The following SLC49A3 variants were observed in gnomAD, a reference collection of about 807,000 sequenced individuals.
SLC49A3 encodes solute carrier family 49 member A3.
SLC49A3 carries 50 observed loss-of-function variants against 43.8 expected under a neutral mutation model. The ratio of observed to expected loss-of-function variants is 1.14; its 90% CI spans 0.91 to 1.45. The LOEUF (loss-of-function observed/expected upper bound fraction) is 1.45. Ranked by LOEUF, SLC49A3 falls within the 40% of genes most tolerant of loss-of-function variation. SLC49A3 has a pLI of 0.00. For synonymous variants in SLC49A3, 413 were observed against 352.0 expected, an observed-to-expected ratio of 1.17 and a Z score of -1.94; for missense variants, 906 against 774.1, an observed-to-expected ratio of 1.17 and a Z score of -2.02.
Position 683,329 on chromosome 4 carries a change from G to A in SLC49A3, c.1032C>T (p.Ala344=). 6.2e-7 allele frequency: 1 copy of A among 1,612,356 alleles called. No individual in the cohort carries two copies. Among genetic ancestry groups the A allele is most frequent in the Non-Finnish European group, 8.5e-7 (1 of 1,179,654 alleles). Residue 344 remains alanine, a synonymous_variant, in exon 8 of 10, where the codon GCC becomes GCT. Coordinates refer to ENST00000322224, the MANE Select transcript of SLC49A3 (RefSeq NM_032219.4). The part of the protein sequence containing the change: ...QLQGQTLALA[A]TCSLLGLFGF... Reference sequence around the variant, plus strand: ...CAAACAGCCCGAGCAGCGAGCAGGTGGCAGCCAGGGCAAGGGTCTGTCCCT... The same window carrying A: ...CAAACAGCCCGAGCAGCGAGCAGGTAGCAGCCAGGGCAAGGGTCTGTCCCT...
intron 1 of SLC49A3, among the ~76,000 whole-genome samples, chr4:688,449 G>T (rs1321424047): frequency 6.6e-6 from 1 of 152,188 alleles, no homozygotes; most frequent in Non-Finnish European, 1.5e-5. Flanking sequence ...TTGCACGTTG[G>T]CCAGATACTG....
intron 8 of SLC49A3, 48 bp downstream of exon 8, chr4:683,162 G>T (rs1264364457): frequency 1.2e-6 from 2 of 1,609,806 alleles, no homozygotes; most frequent in African/African-American, 2.7e-5. Flanking sequence ...TAGGGGTGGA[G>T]CAAGGGGAGT....
chr4:679,170 C>CG (rs1365566147), downstream of SLC49A3: 1 of 869,416 alleles, frequency 1.2e-6, no homozygotes, highest in Non-Finnish European at 1.9e-6. Flanking sequence ...CCTGAAGCTG[C>CG]AAGGTGATGG....
chr4:689,916 C>A (rs375140476), upstream of SLC49A3, among the ~76,000 whole-genome samples: 1 of 152,228 alleles, frequency 6.6e-6, no homozygotes, highest in Non-Finnish European at 1.5e-5. Flanking sequence ...CCTGGGGGAA[C>A]CCAAGAGGCT....
rs766050212 is a variant in SLC49A3 at position 681,989 on chromosome 4, G to A, written c.1649C>T (p.Ser550Phe). The change falls in exon 10 of 10, where the codon TCC (serine) becomes TTC (phenylalanine). Residue 550 changes from serine to phenylalanine, a missense_variant. Physicochemically the swap from Ser to Phe is radical, Grantham distance 155. Coordinates refer to ENST00000322224, the MANE Select transcript of SLC49A3 (RefSeq NM_032219.4). ...SRFIDPAGSHSSFSSPWVIT is the reference protein window; with the variant it reads ...SRFIDPAGSHFSFSSPWVIT ...GATCACCCACGGGGAGGAGAAGGAG[G>A]AGTGAGACCCAGCCGGGTCAATAAA... 25 of 1,412,324 alleles carry A rather than the reference G, an allele frequency of 1.8e-5. No homozygotes were observed. Among genetic ancestry groups the A allele is most frequent in the Non-Finnish European group, 2.2e-5 (23 of 1,069,558 alleles). The allele number at this position is 1,412,324 out of a possible 1,614,324, so 87.5% of individuals were successfully genotyped here. A position where few individuals can be genotyped will look rare whatever the true frequency, so the allele number is the denominator to read the frequency against.
rs1230032213 is a variant in SLC49A3 at position 685,596 on chromosome 4, C to G, written c.585+239G>C. On this transcript the variant is annotated intron_variant, in intron 4 of 9. Coordinates refer to ENST00000322224, the MANE Select transcript of SLC49A3 (RefSeq NM_032219.4). The surrounding 1 kb of genome is among the most constrained non-coding windows in gnomAD (Gnocchi z 4.3). ...TGGCGCACGCCTGTAGTCCCAGCTA[C>G]TCGGGAAGATGAGGCAGGGGAATTG... is the stretch of plus-strand genomic sequence containing the variant. Among the ~76,000 whole-genome samples the G allele has an allele frequency of 1.3e-5, 2 of 152,052 alleles. No individual in the cohort carries two copies. Among genetic ancestry groups the G allele is most frequent in the Non-Finnish European group, 2.9e-5 (2 of 68,032 alleles).
intron 7 of SLC49A3, 86 bp downstream of exon 7, chr4:683,523 G>A: frequency 6.6e-7 from 1 of 1,515,496 alleles, no homozygotes; most frequent in Non-Finnish European, 8.8e-7. Flanking sequence ...CCAGACCTCT[G>A]TTCCAGCCAA....
chr4:681,088 T>G (rs1200624675), downstream of SLC49A3: 2 of 1,600,192 alleles, frequency 1.2e-6, no homozygotes, highest in East Asian at 2.2e-5. Flanking sequence ...TTCCTCGTCC[T>G]CAGCATCAAG....
upstream of SLC49A3, among the ~76,000 whole-genome samples, chr4:690,698 C>G (rs1412242434): frequency 6.6e-6 from 1 of 152,048 alleles, no homozygotes. Flanking sequence ...CGTGCATTGT[C>G]GAGGGGTGTC....
chr4:681,508 C>T (rs1483695369), downstream of SLC49A3, among the ~76,000 whole-genome samples: 1 of 149,978 alleles, frequency 6.7e-6, no homozygotes, highest in Non-Finnish European at 1.5e-5. Flanking sequence ...TCAGGACCCC[C>T]GCACCTCCCC....
At chr4:680,077 G>A (rs963769583), downstream of SLC49A3, 19 of 1,386,380 alleles carry the variant, frequency 1.4e-5, no homozygotes, top group Admixed American at 1.0e-4. Flanking sequence ...TTAGAGATCC[G>A]GACATTTCAC....
downstream of SLC49A3, chr4:676,848 C>T (rs1045759084): frequency 2.0e-6 from 2 of 984,560 alleles, no homozygotes; most frequent in South Asian, 9.4e-5. Flanking sequence ...CAGGTCCCTC[C>T]TGGGCAGGTC....
chr4:686,707 G>GGAGTCA lies in SLC49A3; in HGVS notation c.136-23_136-18dup, dbSNP rs749570706. On this transcript the variant is annotated splice_polypyrimidine_tract_variant and intron_variant, in intron 1 of 9. Coordinates refer to ENST00000322224, the MANE Select transcript of SLC49A3 (RefSeq NM_032219.4). ...GAGCCACAGCTGCAGGGGTCAGGCGGGAGTCAGCGCAGGGCCACAGACCCC... is the reference window on the plus strand; with the variant it reads ...GAGCCACAGCTGCAGGGGTCAGGCGGGAGTCAGAGTCAGCGCAGGGCCACAGACCCC... The GGAGTCA allele has an allele frequency of 1.9e-6, 3 of 1,609,366 alleles. No homozygotes were observed. In the East Asian group the frequency reaches 6.7e-5, roughly 36 times the overall value.
At chr4:686,508 GCCA>G in intron 2 of SLC49A3, 21 bp downstream of exon 2, 1 of 1,608,814 alleles carries the variant, frequency 6.2e-7, no homozygotes, top group African/African-American at 1.3e-5. Flanking sequence ...CCCGGAGCGG[GCCA>G]TGGTGTGGGG....
At position 685,685 on chromosome 4, in the gene SLC49A3, G is replaced by T; in HGVS notation, c.585+150C>A. 1.3e-6 allele frequency: 1 copy of T among 784,066 alleles called. No individual in the cohort carries two copies. Among genetic ancestry groups the T allele is most frequent in the Non-Finnish European group, 2.1e-6 (1 of 479,904 alleles). 48.6% of individuals were successfully genotyped at this position (784,066 alleles called of 1,614,324 possible). On this transcript the variant is annotated intron_variant, in intron 4 of 9. Coordinates refer to ENST00000322224, the MANE Select transcript of SLC49A3 (RefSeq NM_032219.4). This position sits in a 1 kb window ranked among gnomAD's most constrained non-coding sequence, Gnocchi z 4.3. ...CGCGCCACTGCAATTCAGCCTGAGC[G>T]ACAGGCTGAGACTCCTTCTCGGGTG...
At chr4:679,080 A>G, downstream of SLC49A3, 2 of 1,477,072 alleles carry the variant, frequency 1.4e-6, no homozygotes, top group Non-Finnish European at 1.8e-6. Flanking sequence ...GGAGGCGAAC[A>G]CAGAGGTCCT....
In SLC49A3 at chr4:684,584, C is replaced by A. The variant is rs1441489705; in HGVS notation, c.739G>T (p.Ala247Ser). ...AAGCACACAGCCAGGATGACATAGG[C>A]CTTGTTCCACATGAGCTGCTGGGAA... The part of the protein sequence containing the change: ...DGLKLLMWNK[A>S]YVILAVCLGG... The change falls in exon 6 of 10, where the codon GCC (alanine) becomes TCC (serine). Residue 247 changes from alanine (A) to serine (S), a missense_variant. Coordinates refer to ENST00000322224, the MANE Select transcript of SLC49A3 (RefSeq NM_032219.4). The A allele has an allele frequency of 1.2e-6, 2 of 1,612,974 alleles. No homozygotes were observed. The highest frequency in any genetic ancestry group is 4.5e-5 in the East Asian group (2 of 44,872).
In SLC49A3 at chr4:683,711, C is replaced by T. The variant is rs772537279; in HGVS notation, c.891G>A (p.Gly297=). The T allele has an allele frequency of 1.3e-6, 2 of 1,594,702 alleles. No homozygotes were observed. The highest frequency in any genetic ancestry group is 1.7e-6 in the Non-Finnish European group (2 of 1,170,762). Residue 297 remains glycine (G), a synonymous_variant, in exon 7 of 10, where the codon GGG becomes GGA. Transcript: ENST00000322224. ...CCACATAGGGGCCGAGAGCCAGTGC[C>T]CCCAGGATCCCAAACGTGATGAAGA... The part of the protein sequence containing the change: ...GALFITFGIL[G]ALALGPYVDR...
rs747125812 is a variant in SLC49A3 at position 686,179 on chromosome 4, G to A, written c.418C>T (p.Gln140Ter). 3.1e-6 allele frequency: 5 copies of A among 1,613,468 alleles called. No homozygotes were observed. The Admixed American group carries it at 5.0e-5, about 16-fold the overall frequency. The change falls in exon 3 of 10, where the codon CAG becomes TAG. Residue 140 changes from glutamine to a stop codon, truncating the protein, a stop_gained. Transcript: ENST00000322224. LOFTEE classifies it high-confidence loss of function. ...MGGQSLCALA[Q>*]SLVIFSPAKL... ...GCTGGAGAGAAGATGACCAGGCTCTGGGCAAGGGCACAGAGGCTCTGGCCA... is the reference window on the plus strand; with the variant it reads ...GCTGGAGAGAAGATGACCAGGCTCTAGGCAAGGGCACAGAGGCTCTGGCCA...
Sources: allele counts gnomAD v4.1 joint callset (sites outside exome capture counted in the v4.1 genomes callset), GRCh38; gene constraint gnomAD v4.1.1; non-coding constraint Gnocchi (gnomAD v3.1); transcripts MANE v1.5; gene names NCBI Gene and HGNC (gene_info 2026-07-23, HGNC 2026-07-21).